Variants in USP7 observed in about 807,000 individuals in gnomAD.
USP7 encodes ubiquitin specific peptidase 7, also known as ubiquitin C-terminal hydrolase 7.
A neutral mutation model predicts 162.9 loss-of-function variants in USP7; 9 were observed. That is an observed-to-expected ratio of 0.06 (90% CI 0.03 to 0.10). The LOEUF is 0.10. USP7 is among the 10% of genes least tolerant of loss of function. The probability of loss-of-function intolerance (pLI) is 1.00; values close to 1 mark genes in which losing one functional copy is unlikely to be tolerated. For missense variants in USP7, 715 were observed against 1,373.7 expected (o/e 0.52, Z 7.58); for synonymous variants, 562 against 475.9 (o/e 1.18, Z -2.35).
At chr16:8,930,078 C>T (rs1243391376) in intron 2 of USP7, among the ~76,000 whole-genome samples, 6 of 152,192 alleles carry the variant, frequency 3.9e-5, no homozygotes, top group Non-Finnish European at 8.8e-5. Flanking sequence ...ATTACACCTC[C>T]TTGCCTAGGC....
At chr16:8,956,676 T>C (rs1770255421) in intron 1 of USP7, among the ~76,000 whole-genome samples, 1 of 151,724 alleles carries the variant, frequency 6.6e-6, no homozygotes, top group Non-Finnish European at 1.5e-5. Context: ...GGCAGGAGTA[T>C]GGCTTAAACC....
intron 10 of USP7, 28 bp from the exon 11 acceptor site, chr16:8,910,855 G>C (rs770230956): frequency 1.3e-6 from 2 of 1,577,538 alleles, no homozygotes; most frequent in East Asian, 2.2e-5. Context: ...GAAAAGTCAA[G>C]TGCTAAAGCT....
At chr16:8,941,676 G>A (rs1273942664) in intron 1 of USP7, among the ~76,000 whole-genome samples, 11 of 152,196 alleles carry the variant, frequency 7.2e-5, no homozygotes, top group East Asian at 3.8e-4. Context: ...AGACCAGGCC[G>A]TGTTGGTGTG....
In USP7 at chr16:8,901,142, G is replaced by A. The variant is rs753346185; in HGVS notation, c.2140C>T (p.Arg714Cys). ...GAAGGTAAGTGCACGAAGGACTTAC[G>A]TATTTTACAGGATATTGGTGTGTAG... ...HIYTPISCKI[R>C]DLLPVMCDRA... The change falls in exon 19 of 31, where the codon CGT (arginine) becomes TGT (cysteine). Residue 714 changes from arginine (R) to cysteine (C), a missense_variant and splice_region_variant. Arg to Cys is a radical substitution (Grantham distance 180). Coordinates refer to ENST00000344836, the MANE Select transcript of USP7 (RefSeq NM_003470.3). The A allele has an allele frequency of 9.9e-6, 16 of 1,613,170 alleles. No individual in the cohort carries two copies. Among genetic ancestry groups the A allele is most frequent in the Admixed American group, 1.7e-5 (1 of 60,012 alleles).
At chr16:8,895,825 A>C in intron 26 of USP7, 84 bp from the exon 27 acceptor site, 2 of 992,272 alleles carry the variant, frequency 2.0e-6, no homozygotes, top group Non-Finnish European at 2.9e-6. Context: ...AAAGAAATAA[A>C]GTTACCACGA....
chr16:8,934,687 G>T (rs965905949), intron 1 of USP7, among the ~76,000 whole-genome samples: 1 of 152,210 alleles, frequency 6.6e-6, no homozygotes, highest in East Asian at 1.9e-4. Context: ...CATCTGAGTT[G>T]GTGTGGCCAA....
rs1057463668 is a variant in USP7, at chr16:8,946,305, C to T, written c.80-15908G>A. Reference sequence around the variant, plus strand: ...ACAACAACAACAAAAAAATGGCAGGCGGCGGTGGCTTAAGCCGGTAATCCC... The same window carrying T: ...ACAACAACAACAAAAAAATGGCAGGTGGCGGTGGCTTAAGCCGGTAATCCC... On this transcript the variant is annotated intron_variant, in intron 1 of 30. Transcript: ENST00000344836. Among the ~76,000 whole-genome samples the T allele has an allele frequency of 5.9e-5, 9 of 152,090 alleles. No homozygotes were observed. The South Asian group carries it at 8.3e-4, about 14-fold the overall frequency.
intron 2 of USP7, among the ~76,000 whole-genome samples, chr16:8,929,041 C>A (rs1898173142): frequency 1.5e-5 from 2 of 137,220 alleles, no homozygotes; most frequent in Non-Finnish European, 3.1e-5. Flanking sequence ...CAAGACCTCC[C>A]CCCTAAAAAA....
intron 2 of USP7, among the ~76,000 whole-genome samples, chr16:8,928,204 T>A (rs975010550): frequency 6.6e-6 from 1 of 152,224 alleles, no homozygotes; most frequent in African/African-American, 2.4e-5. Context: ...AAATGTCCCT[T>A]ACTAAGAAGT....
chr16:8,931,237 G>A (rs941435097), intron 1 of USP7, among the ~76,000 whole-genome samples: 3 of 150,288 alleles, frequency 2.0e-5, no homozygotes, highest in African/African-American at 7.3e-5. Context: ...CCCCCAGCCT[G>A]GAGTGCAGTG....
rs566913276 is a variant in USP7 at position 8,925,620 on chromosome 16, T to G, written c.185-2207A>C. Among the ~76,000 whole-genome samples the G allele has an allele frequency of 8.2e-4, 125 of 152,338 alleles. 4 individuals are homozygous for G. The South Asian group carries it at 0.025, about 31-fold the overall frequency. On this transcript the variant is annotated intron_variant, in intron 2 of 30. Coordinates refer to ENST00000344836, the MANE Select transcript of USP7 (RefSeq NM_003470.3). ...TGAAGTTTGCACTTGGTTCACCTGC[T>G]GCCCAGCCCCGCAGAGGCCACCGCG...
In USP7 at chr16:8,895,011, G is replaced by GGCCAACCA. The variant is rs1567203968; in HGVS notation, c.3039+12_3039+19dup. 2 of 1,614,168 alleles carry GGCCAACCA rather than the reference G, an allele frequency of 1.2e-6. No homozygotes were observed. Among genetic ancestry groups the GGCCAACCA allele is most frequent in the Admixed American group, 3.3e-5 (2 of 60,028 alleles). Reference sequence around the variant, plus strand: ...CTCCAGGTTTTGACGTGAGCCACTCGGCCAACCACAACAGCATACCTGGTG... The same window carrying GGCCAACCA: ...CTCCAGGTTTTGACGTGAGCCACTCGGCCAACCAGCCAACCACAACAGCATACCTGGTG... On this transcript the variant is annotated intron_variant, in intron 28 of 30. Coordinates refer to ENST00000344836, the MANE Select transcript of USP7 (RefSeq NM_003470.3).
chr16:8,962,231 T>TGAA (rs2141271748), intron 1 of USP7, among the ~76,000 whole-genome samples: 1 of 152,304 alleles, frequency 6.6e-6, no homozygotes, highest in South Asian at 2.1e-4. Context: ...TCAGGTGGCC[T>TGAA]CCATTTGACT....
chr16:8,910,684 A>G, intron 11 of USP7, 61 bp downstream of exon 11: 1 of 1,469,390 alleles, frequency 6.8e-7, no homozygotes, highest in South Asian at 1.2e-5. Flanking sequence ...TTAGCAATTA[A>G]AAGAATTGAA....
At chr16:8,894,177 G>T in intron 30 of USP7, 73 bp from the exon 31 acceptor site, 1 of 1,389,458 alleles carries the variant, frequency 7.2e-7, no homozygotes, top group Non-Finnish European at 1.0e-6. Flanking sequence ...GGTGGCCAGT[G>T]AGGCATGCAT....
chr16:8,950,440 A>C (rs374065624), intron 1 of USP7, among the ~76,000 whole-genome samples: 2 of 152,248 alleles, frequency 1.3e-5, no homozygotes, highest in East Asian at 3.8e-4. Flanking sequence ...TTTCCAAAGG[A>C]AATACTGATC....
At chr16:8,922,215 G>A (rs1471340638) in intron 3 of USP7, among the ~76,000 whole-genome samples, 2 of 152,204 alleles carry the variant, frequency 1.3e-5, no homozygotes, top group Admixed American at 6.5e-5. Flanking sequence ...ACGGCCAGGT[G>A]CGCTGGCTCA....
At chr16:8,912,193 T>C (rs2061957653) in intron 10 of USP7, among the ~76,000 whole-genome samples, 1 of 152,204 alleles carries the variant, frequency 6.6e-6, no homozygotes, top group Non-Finnish European at 1.5e-5. Context: ...GGCTCACGCC[T>C]GTAATCCCAG....
At chr16:8,931,594 T>C (rs993535693) in intron 1 of USP7, among the ~76,000 whole-genome samples, 2 of 152,240 alleles carry the variant, frequency 1.3e-5, no homozygotes, top group Non-Finnish European at 2.9e-5. Context: ...TCTAAATGCA[T>C]GCTAAATGCT....
Sources: allele counts gnomAD v4.1 joint callset (sites outside exome capture counted in the v4.1 genomes callset), GRCh38; gene constraint gnomAD v4.1.1; transcripts MANE v1.5; gene names NCBI Gene and HGNC (gene_info 2026-07-23, HGNC 2026-07-21).